Variants in HAT1 observed in about 807,000 individuals in gnomAD.
HAT1 encodes histone acetyltransferase 1.
In HAT1, 20 loss-of-function variants were observed where a neutral mutation model predicts 56.6. The observed-to-expected ratio is 0.35, with a 90% CI of 0.25 to 0.51. The LOEUF (loss-of-function observed/expected upper bound fraction) is 0.51. Among genes scored for constraint, HAT1 ranks in the 20% least tolerant of loss-of-function variants. The pLI is 0.95. For missense variants in HAT1, 408 were observed against 504.3 expected (o/e 0.81, Z 1.83); for synonymous variants, 146 against 165.5 (o/e 0.88, Z 0.91).
chr2:171,973,400 C>CAA (rs67088559), intron 8 of HAT1, among the ~76,000 whole-genome samples: 34,873 of 133,382 alleles, frequency 0.26, 6,036 homozygotes, highest in African/African-American at 0.48. Flanking sequence ...CCAATTTCTG[C>CAA]AAAAAAAAAA....
chr2:171,957,536 G>A (rs1687477335), intron 4 of HAT1, among the ~76,000 whole-genome samples: 1 of 152,126 alleles, frequency 6.6e-6, no homozygotes, highest in Admixed American at 6.6e-5. Context: ...TATGATGAGA[G>A]GTGTGACTTT....
intron 1 of HAT1, chr2:171,925,069 C>CTTTTTTT (rs72257084): frequency 4.1e-5 from 3 of 73,686 alleles, no homozygotes; most frequent in Non-Finnish European, 7.9e-5. Context: ...ATGAGGCATT[C>CTTTTTTT]TTTTTTTTTT....
At chr2:171,980,899 G>C (rs937927162) in intron 10 of HAT1, 2 of 151,546 alleles carry the variant, frequency 1.3e-5, no homozygotes, top group Non-Finnish European at 2.9e-5. Context: ...GCCAGGTGCG[G>C]TGGTTCACGT....
chr2:171,940,694 C>T (rs924088994), intron 2 of HAT1, among the ~76,000 whole-genome samples: 5 of 152,134 alleles, frequency 3.3e-5, no homozygotes, highest in South Asian at 2.1e-4. Context: ...TGCTTGGTCT[C>T]GATGTAACTA....
intron 2 of HAT1, among the ~76,000 whole-genome samples, chr2:171,944,191 A>G (rs1304474036): frequency 6.6e-6 from 1 of 151,832 alleles, no homozygotes; most frequent in Non-Finnish European, 1.5e-5. Flanking sequence ...GGGATTGTGC[A>G]CTGCATTTAG....
At chr2:171,932,192 G>C (rs1355525202) in intron 2 of HAT1, among the ~76,000 whole-genome samples, 1 of 152,040 alleles carries the variant, frequency 6.6e-6, no homozygotes, top group Non-Finnish European at 1.5e-5. Context: ...GATTTGACTT[G>C]GCAATGTTTT....
chr2:171,966,765 G>GT (rs1312065673), intron 7 of HAT1, 78 bp from the exon 8 acceptor site: 2 of 708,568 alleles, frequency 2.8e-6, no homozygotes, highest in Non-Finnish European at 2.4e-6. Flanking sequence ...TAAAGTGTTT[G>GT]TAATACTATA....
intron 2 of HAT1, among the ~76,000 whole-genome samples, chr2:171,932,951 C>T (rs1686782081): frequency 6.6e-6 from 1 of 152,196 alleles, no homozygotes; most frequent in Admixed American, 6.5e-5. Context: ...CTTTTAATGT[C>T]TCCTTACAAG....
chr2:171,945,647 C>G (rs1336182448), intron 2 of HAT1, among the ~76,000 whole-genome samples: 2 of 151,508 alleles, frequency 1.3e-5, no homozygotes, highest in Non-Finnish European at 2.9e-5. Context: ...GCATGCGCCA[C>G]CATGGCTAGC....
chr2:171,927,053 A>G (rs917084784), intron 2 of HAT1, among the ~76,000 whole-genome samples: 1 of 152,230 alleles, frequency 6.6e-6, no homozygotes, highest in Non-Finnish European at 1.5e-5. Context: ...AACACCATAT[A>G]TTGTGTAATT....
chr2:171,954,748 A>C (rs575903654), intron 4 of HAT1, among the ~76,000 whole-genome samples: 1 of 152,330 alleles, frequency 6.6e-6, no homozygotes, highest in East Asian at 1.9e-4. Context: ...CCCCCAAAAG[A>C]TATCCATGTC....
chr2:171,952,213 A>G (rs1486948124), intron 3 of HAT1, among the ~76,000 whole-genome samples: 1 of 152,196 alleles, frequency 6.6e-6, no homozygotes, highest in African/African-American at 2.4e-5. Context: ...CCTGACCCCT[A>G]GTCTTAGGCA....
At chr2:171,966,606 T>TA (rs112049112) in intron 7 of HAT1, 93 bp downstream of exon 7, 784 of 676,574 alleles carry the variant, frequency 1.2e-3, no homozygotes, top group African/African-American at 2.4e-3. Flanking sequence ...TTGATTTGTT[T>TA]AAAAAAAAAA....
intron 3 of HAT1, among the ~76,000 whole-genome samples, chr2:171,948,620 C>A (rs986061233): frequency 6.6e-6 from 1 of 152,160 alleles, no homozygotes; most frequent in Non-Finnish European, 1.5e-5. Flanking sequence ...AATCCTGGAT[C>A]CAATACAGAA....
chr2:171,923,716 A>G (rs1391344548), intron 1 of HAT1: 2 of 152,318 alleles, frequency 1.3e-5, no homozygotes, highest in East Asian at 3.9e-4. Context: ...TACCAGATGG[A>G]GATTGTAGGA....
Position 171,922,494 on chromosome 2 carries a change from C to G in HAT1, c.-7C>G. On this transcript the variant is annotated 5_prime_UTR_variant, in exon 1 of 11. Transcript: ENST00000264108. The stretch of plus-strand genomic sequence containing the variant: ...CTTCCTCAGCCGCGGGTGATCGTAG[C>G]TCGGAAATGGCGGGTAAGTTACCGG... 7.6e-7 allele frequency: 1 copy of G among 1,319,732 alleles called. No individual in the cohort carries two copies. The highest frequency in any genetic ancestry group is 9.8e-7 in the Non-Finnish European group (1 of 1,024,710). The allele number at this position is 1,319,732 out of a possible 1,614,324, so 81.8% of individuals were successfully genotyped here. A position where few individuals can be genotyped will look rare whatever the true frequency, so the allele number is the denominator to read the frequency against.
chr2:171,929,230 G>A (rs1686676702), intron 2 of HAT1, among the ~76,000 whole-genome samples: 3 of 152,020 alleles, frequency 2.0e-5, no homozygotes, highest in Non-Finnish European at 4.4e-5. Context: ...ATGCTATTAA[G>A]GATTGTTTTT....
At chr2:171,962,405 CT>C (rs991130744) in intron 4 of HAT1, among the ~76,000 whole-genome samples, 3 of 152,102 alleles carry the variant, frequency 2.0e-5, no homozygotes, top group African/African-American at 7.2e-5. Context: ...ATTCTGGTTT[CT>C]TTTTTTGAGA....
Position 171,972,226 on chromosome 2 carries a change from TG to T in HAT1, c.824-3930del, listed in dbSNP as rs1363470399. 5.1e-4 allele frequency among the ~76,000 whole-genome samples: 74 copies of T among 145,396 alleles called. 1 individual carries two copies. Among genetic ancestry groups the T allele is most frequent in the Admixed American group, 1.0e-3 (15 of 14,630 alleles). On this transcript the variant is annotated intron_variant, in intron 8 of 10. Coordinates refer to ENST00000264108, the MANE Select transcript of HAT1 (RefSeq NM_003642.4). Reference sequence around the variant, plus strand: ...GGGTTTTTCTTTTGTTTTTTTTTTTTGTTTGTTTGTTTTTGTTGTTTTTTTT... The same window carrying T: ...GGGTTTTTCTTTTGTTTTTTTTTTTTTTTGTTTGTTTTTGTTGTTTTTTTT...
Sources: gnomAD v4.1 joint callset for allele counts (sites outside exome capture counted in the v4.1 genomes callset) on GRCh38, gnomAD v4.1.1 for gene constraint, MANE v1.5 for transcripts, NCBI Gene and HGNC (gene_info 2026-07-23, HGNC 2026-07-21) for gene names.